The following NCR1 variants were observed in gnomAD, a reference collection of about 807,000 sequenced individuals.
The protein encoded by NCR1 is NK cell-activating receptor.
NCR1 carries 30 observed loss-of-function variants against 32.5 expected under a neutral mutation model. The observed-to-expected ratio is 0.92, with a 90% confidence interval of 0.69 to 1.25. The LOEUF (loss-of-function observed/expected upper bound fraction) is 1.25. NCR1 is among the 50% of genes most tolerant of loss of function. The pLI is 0.00. For synonymous variants in NCR1, 169 were observed against 143.4 expected, an observed-to-expected ratio of 1.18 and a Z score of -1.28; for missense variants, 369 against 380.7, an observed-to-expected ratio of 0.97 and a Z score of 0.26.
the NCR1 span, chr19:54,927,764 C>A: frequency 6.2e-7 from 1 of 1,613,850 alleles, no homozygotes; most frequent in Non-Finnish European, 8.5e-7. Context: ...CATGAGGGAG[C>A]AGCTCCAGAG....
the NCR1 span, chr19:54,933,551 C>G: frequency 6.2e-7 from 1 of 1,613,824 alleles, no homozygotes. Flanking sequence ...CACACACACA[C>G]ACCCAGCAGG....
At chr19:54,903,371 T>G (rs147393142), upstream of NCR1, among the ~76,000 whole-genome samples, 80 of 120,174 alleles carry the variant, frequency 6.7e-4, 6 homozygotes, top group Middle Eastern at 4.6e-3. Flanking sequence ...TACATGTATA[T>G]ATACATGTAT....
upstream of NCR1, among the ~76,000 whole-genome samples, chr19:54,905,578 G>A (rs2067539434): frequency 1.3e-5 from 2 of 152,106 alleles, no homozygotes; most frequent in East Asian, 1.9e-4. Flanking sequence ...TACGACTTGA[G>A]GTTATCCTGT....
chr19:54,907,406 C>A (rs1278750220), intron 3 of NCR1, among the ~76,000 whole-genome samples: 3 of 150,110 alleles, frequency 2.0e-5, no homozygotes, highest in Non-Finnish European at 3.0e-5. Context: ...CCGCCTCACC[C>A]TCCCAAAGTG....
downstream of NCR1, among the ~76,000 whole-genome samples, chr19:54,919,719 C>CCCCCT (rs1556721780): frequency 2.4e-4 from 35 of 145,866 alleles, 1 homozygote; most frequent in Middle Eastern, 3.5e-3. Flanking sequence ...GGGAGACCCC[C>CCCCCT]CCCCCCACCC....
chr19:54,923,876 G>C, the NCR1 span: 1 of 1,612,854 alleles, frequency 6.2e-7, no homozygotes. Flanking sequence ...CTTCAACCTG[G>C]AGGGATCAGA....
chr19:54,933,232 G>A, the NCR1 span, among the ~76,000 whole-genome samples: 5 of 151,948 alleles, frequency 3.3e-5, no homozygotes, highest in Non-Finnish European at 5.9e-5. Context: ...TGCAACCTCC[G>A]CCTTCCAGGT....
At chr19:54,933,815 G>T in the NCR1 span, 1 of 1,248,908 alleles carries the variant, frequency 8.0e-7, no homozygotes, top group Non-Finnish European at 1.2e-6. Flanking sequence ...ATGTCCACAT[G>T]CTAGGGTACT....
At chr19:54,926,299 G>A in the NCR1 span, among the ~76,000 whole-genome samples, 1 of 152,100 alleles carries the variant, frequency 6.6e-6, no homozygotes, top group Admixed American at 6.5e-5. Context: ...GTATGCCTAG[G>A]ACTAAGTGTT....
At chr19:54,934,792 C>G in the NCR1 span, 2 of 692,908 alleles carry the variant, frequency 2.9e-6, no homozygotes, top group Non-Finnish European at 4.7e-6. This position sits in a 1 kb window ranked among gnomAD's most constrained non-coding sequence, Gnocchi z 6.7. Context: ...TCACTGCAGC[C>G]TCCGCCTCCC....
At chr19:54,923,909 T>A in the NCR1 span, 1 of 1,610,176 alleles carries the variant, frequency 6.2e-7, no homozygotes, top group African/African-American at 1.3e-5. Context: ...TCCCAGAAAT[T>A]CATTCTCAAC....
At chr19:54,921,292 C>A in the NCR1 span, among the ~76,000 whole-genome samples, 1 of 152,154 alleles carries the variant, frequency 6.6e-6, no homozygotes, top group African/African-American at 2.4e-5. Flanking sequence ...ACTGTTACCA[C>A]CCACAGCCTG....
chr19:54,919,725 C>CCCT (rs1556721757), downstream of NCR1, among the ~76,000 whole-genome samples: 2 of 145,264 alleles, frequency 1.4e-5, no homozygotes, highest in East Asian at 2.1e-4. Flanking sequence ...CCCCCCCCCC[C>CCCT]ACCCGCTGCC....
chr19:54,915,650 CAA>C (rs1051367586), downstream of NCR1: 1 of 151,850 alleles, frequency 6.6e-6, no homozygotes, highest in African/African-American at 2.4e-5. Context: ...GACTCCCTCT[CAA>C]AATAAATAAA....
chr19:54,914,179 CT>C (rs901003519), downstream of NCR1, among the ~76,000 whole-genome samples: 1 of 92,626 alleles, frequency 1.1e-5, no homozygotes, highest in Non-Finnish European at 2.0e-5. Flanking sequence ...TTTTTTTTTT[CT>C]TTTTTTTTGT....
chr19:54,912,597 CTCAAAAAAAAAA>C (rs2068026818), intron 6 of NCR1, 81 bp from the exon 7 acceptor site: 1 of 740,068 alleles, frequency 1.4e-6, no homozygotes, highest in Non-Finnish European at 1.9e-6. Flanking sequence ...GAGGCTCTGT[CTCAAAAAAAAAA>C]AAAAAAAAAA....
chr19:54,906,738 T>C lies in NCR1; in HGVS notation c.286T>C (p.Tyr96His). The change falls in exon 3 of 7, where the codon TAC becomes CAC. Residue 96 changes from tyrosine to histidine, a missense_variant. Coordinates refer to ENST00000291890, the MANE Select transcript of NCR1 (RefSeq NM_004829.7). Reference protein sequence around the residue: ...PDMNSRMAGQYSCIYRVGELW... With the variant: ...PDMNSRMAGQHSCIYRVGELW... ...CATGAACTCCCGCATGGCAGGGCAA[T>C]ACAGCTGCATCTATCGGGTTGGGGA... The C allele has an allele frequency of 1.2e-6, 2 of 1,614,190 alleles. No homozygotes were observed. The highest frequency in any genetic ancestry group is 1.7e-6 in the Non-Finnish European group (2 of 1,180,032).
chr19:54,922,440 C>T, the NCR1 span, among the ~76,000 whole-genome samples: 2 of 151,920 alleles, frequency 1.3e-5, no homozygotes, highest in East Asian at 1.9e-4. Context: ...GAGACAGAGA[C>T]ATACACAGAG....
the NCR1 span, among the ~76,000 whole-genome samples, chr19:54,925,151 C>T: frequency 6.6e-6 from 1 of 152,110 alleles, no homozygotes; most frequent in Non-Finnish European, 1.5e-5. Flanking sequence ...AACAATCCTC[C>T]CACCTTGGCC....
Sources: allele counts gnomAD v4.1 joint callset (sites outside exome capture counted in the v4.1 genomes callset), GRCh38; gene constraint gnomAD v4.1.1; non-coding constraint Gnocchi (gnomAD v3.1); transcripts MANE v1.5; gene names NCBI Gene and HGNC (gene_info 2026-07-23, HGNC 2026-07-21).